The following AGBL1 variants were observed in gnomAD, a reference collection of about 807,000 sequenced individuals.
AGBL1 encodes the protein cytosolic carboxypeptidase 4.
In AGBL1, 130 loss-of-function variants were observed where a neutral mutation model predicts 118.9. The ratio of observed to expected loss-of-function variants is 1.09; its 90% CI spans 0.95 to 1.26. The LOEUF (loss-of-function observed/expected upper bound fraction) is 1.26, where lower values mean the gene tolerates loss of function less well. Among genes scored for constraint, AGBL1 ranks in the 50% most tolerant of loss-of-function variants. AGBL1 has a pLI of 0.00. For missense variants in AGBL1, 1,584 were observed against 1,298.1 expected (o/e 1.22, Z -3.38); for synonymous variants, 555 against 478.9 (o/e 1.16, Z -2.08).
intron 6 of AGBL1, among the ~76,000 whole-genome samples, chr15:86,241,586 C>G (rs921587610): frequency 6.6e-6 from 1 of 152,110 alleles, no homozygotes; most frequent in South Asian, 2.1e-4. Context: ...TGAGGGCCTT[C>G]TTGCTGCATA....
chr15:86,438,028 C>T (rs902165251), intron 18 of AGBL1, among the ~76,000 whole-genome samples: 1 of 152,148 alleles, frequency 6.6e-6, no homozygotes, highest in African/African-American at 2.4e-5. Context: ...GCCTCAGCCT[C>T]CAGAGTAGCT....
rs567756069 is a variant in AGBL1 at position 86,095,280 on chromosome 15, T to G, written c.51+15257T>G. 3.3e-5 allele frequency among the ~76,000 whole-genome samples: 5 copies of G among 152,302 alleles called. No individual in the cohort carries two copies. The South Asian group carries it at 1.0e-3, about 32-fold the overall frequency. On this transcript the variant is annotated intron_variant, in intron 1 of 22. Transcript: ENST00000614907. ...GCATAGGCCTGACTGATTGACTCAT[T>G]GGCCTTTGGCAGTTACTTTGATCTC...
At chr15:86,614,163 A>G (rs2084692301) in intron 21 of AGBL1, among the ~76,000 whole-genome samples, 1 of 152,256 alleles carries the variant, frequency 6.6e-6, no homozygotes, top group African/African-American at 2.4e-5. Flanking sequence ...GGAATAAAAC[A>G]AAATGAATAA....
intron 22 of AGBL1, among the ~76,000 whole-genome samples, chr15:86,828,052 G>T (rs866973058): frequency 6.8e-6 from 1 of 146,728 alleles, no homozygotes; most frequent in Non-Finnish European, 1.5e-5. Flanking sequence ...AATTCCTCCT[G>T]CTTCAGCCTC....
At chr15:86,117,229 C>T (rs1411294099) in intron 1 of AGBL1, among the ~76,000 whole-genome samples, 1 of 152,160 alleles carries the variant, frequency 6.6e-6, no homozygotes, top group Admixed American at 6.5e-5. Flanking sequence ...ACCCCGGGCT[C>T]TGGGATGGCT....
intron 20 of AGBL1, among the ~76,000 whole-genome samples, chr15:86,548,074 T>C (rs1438716824): frequency 6.6e-6 from 1 of 152,164 alleles, no homozygotes; most frequent in Admixed American, 6.6e-5. Flanking sequence ...CAAATGGATC[T>C]TGTCAGAATT....
chr15:86,392,833 A>G (rs2081308730), intron 17 of AGBL1, among the ~76,000 whole-genome samples: 1 of 152,170 alleles, frequency 6.6e-6, no homozygotes, highest in African/African-American at 2.4e-5. Context: ...TATTTTATTA[A>G]TTGCAGAAAA....
In AGBL1 at chr15:86,615,294, G is replaced by C. The variant is rs144728883; in HGVS notation, c.2995-58979G>C. Among the ~76,000 whole-genome samples, 390 of 152,318 alleles carry C rather than the reference G, an allele frequency of 2.6e-3. 3 individuals carry two copies. Among genetic ancestry groups the C allele is most frequent in the African/African-American group, 8.9e-3 (370 of 41,572 alleles). On this transcript the variant is annotated intron_variant, in intron 21 of 22. Transcript: ENST00000614907. This position sits in a 1 kb window ranked among gnomAD's most constrained non-coding sequence, Gnocchi z 4.3. ...TTGACTAAAAACCAGCCTAGGAAAA[G>C]ATGTGATGAGGGACTGTGGTAAAGA...
intron 21 of AGBL1, among the ~76,000 whole-genome samples, chr15:86,570,261 A>G (rs2083985146): frequency 6.6e-6 from 1 of 152,242 alleles, no homozygotes; most frequent in Non-Finnish European, 1.5e-5. Context: ...AAACACTGGT[A>G]GGACCTTGAA....
chr15:86,483,035 G>C (rs571168548), intron 18 of AGBL1, among the ~76,000 whole-genome samples: 2 of 152,068 alleles, frequency 1.3e-5, no homozygotes, highest in South Asian at 4.1e-4. Context: ...ATTATGCTGA[G>C]AGGGGTGGCT....
At chr15:87,024,154 T>A (rs1460788400) in intron 24 of AGBL1, among the ~76,000 whole-genome samples, 1 of 151,494 alleles carries the variant, frequency 6.6e-6, no homozygotes, top group East Asian at 1.9e-4. Flanking sequence ...TAAATGAAAC[T>A]GAAACAACAA....
At chr15:86,346,283 A>G (rs1010111938) in intron 17 of AGBL1, among the ~76,000 whole-genome samples, 1 of 151,582 alleles carries the variant, frequency 6.6e-6, no homozygotes, top group Non-Finnish European at 1.5e-5. Flanking sequence ...TGCCCAGCCC[A>G]TAGCTCCTCC....
At chr15:87,005,452 A>G (rs920480115) in intron 24 of AGBL1, among the ~76,000 whole-genome samples, 1 of 152,148 alleles carries the variant, frequency 6.6e-6, no homozygotes, top group African/African-American at 2.4e-5. Flanking sequence ...ATCTTCAATC[A>G]CTGATACCCT....
chr15:86,172,074 C>T (rs372986544), intron 5 of AGBL1, among the ~76,000 whole-genome samples: 3 of 152,108 alleles, frequency 2.0e-5, no homozygotes, highest in Non-Finnish European at 2.9e-5. Flanking sequence ...TAAAAGACTA[C>T]GCATTGGGTA....
intron 17 of AGBL1, among the ~76,000 whole-genome samples, chr15:86,386,431 G>C (rs1342233992): frequency 6.7e-6 from 1 of 150,200 alleles, no homozygotes; most frequent in African/African-American, 2.5e-5. Flanking sequence ...GATTATTTGT[G>C]AGTTTTCTGG....
chr15:86,329,153 T>C (rs930308452), intron 17 of AGBL1, among the ~76,000 whole-genome samples: 2 of 152,134 alleles, frequency 1.3e-5, no homozygotes, highest in African/African-American at 4.8e-5. Flanking sequence ...CCAGTCTGCA[T>C]GTATCATTGC....
chr15:86,759,708 A>G (rs1422710918), intron 22 of AGBL1, among the ~76,000 whole-genome samples: 3 of 152,132 alleles, frequency 2.0e-5, no homozygotes, highest in African/African-American at 7.2e-5. Context: ...GAACATTAAA[A>G]TCTTTGACAG....
At position 86,967,706 on chromosome 15, in the gene AGBL1, C is replaced by T. The variant is rs534805984; in HGVS notation, c.3222-20281C>T. On this transcript the variant is annotated intron_variant, in intron 23 of 24. Coordinates refer to the AGBL1 transcript ENST00000441037. ...CTATATCTCTGTTTTGGTACCAGGA[C>T]CATGCTGCTTTGGTTACTGTAGCCT... Among the ~76,000 whole-genome samples the T allele has an allele frequency of 3.9e-5, 6 of 152,182 alleles. No homozygotes were observed. The South Asian group carries it at 1.2e-3, about 32-fold the overall frequency.
intron 17 of AGBL1, among the ~76,000 whole-genome samples, chr15:86,341,842 A>G (rs1465751881): frequency 6.6e-6 from 1 of 152,134 alleles, no homozygotes; most frequent in Non-Finnish European, 1.5e-5. Flanking sequence ...TTAAGGAGGA[A>G]GGAACATTAA....
Sources: gnomAD v4.1 joint callset for allele counts (sites outside exome capture counted in the v4.1 genomes callset) on GRCh38, gnomAD v4.1.1 for gene constraint, Gnocchi (gnomAD v3.1) non-coding constraint, MANE v1.5 for transcripts, NCBI Gene and HGNC (gene_info 2026-07-23, HGNC 2026-07-21) for gene names.